Variants in NTN5 observed in about 807,000 individuals in gnomAD.
NTN5 encodes the protein netrin-5.
Under a neutral mutation model 38.7 loss-of-function variants are expected in NTN5, and 42 were observed. That is an observed-to-expected ratio of 1.08 (90% CI 0.85 to 1.40). NTN5 has a LOEUF of 1.40. NTN5 is among the 40% of genes most tolerant of loss of function. NTN5 has a pLI of 0.00. For synonymous variants in NTN5, 329 were observed against 303.9 expected, an observed-to-expected ratio of 1.08 and a Z score of -0.86; for missense variants, 658 against 716.5, an observed-to-expected ratio of 0.92 and a Z score of 0.93.
At chr19:48,666,034 G>A (rs1238484837) in intron 2 of NTN5, among the ~76,000 whole-genome samples, 1 of 152,206 alleles carries the variant, frequency 6.6e-6, no homozygotes, top group Non-Finnish European at 1.5e-5. Flanking sequence ...CAAGTACTTG[G>A]CTGTCTAGCA....
intron 4 of NTN5, 54 bp from the exon 5 acceptor site, chr19:48,663,868 C>T (rs1450588434): frequency 9.7e-6 from 15 of 1,554,404 alleles, no homozygotes; most frequent in Admixed American, 5.0e-5. Flanking sequence ...AGGATCCCCT[C>T]GCCCCTGCCC....
rs557084256 is a variant in NTN5, at chr19:48,663,607, C to T, written c.1025-64G>A. 5.1e-6 allele frequency: 8 copies of T among 1,555,624 alleles called. No individual in the cohort carries two copies. In the East Asian group the frequency reaches 1.1e-4, roughly 22 times the overall value. ...CCTAGACCACAGCCTTCTGCCCCTGCCCATCCCTCCGTTCCATCTTGATGG... is the reference window on the plus strand; with the variant it reads ...CCTAGACCACAGCCTTCTGCCCCTGTCCATCCCTCCGTTCCATCTTGATGG... On this transcript the variant is annotated intron_variant, in intron 5 of 6. Transcript: ENST00000270235.
In NTN5 at chr19:48,671,003, G is replaced by A. The variant is rs1411626198; in HGVS notation, c.-17C>T. On this transcript the variant is annotated 5_prime_UTR_variant, in exon 2 of 7. Transcript: ENST00000270235. Reference sequence around the variant, plus strand: ...CACGGGCATGGTCACAGCAGAGCCAGCACCTGGAGGGAAGAGAGGTGGCTG... The same window carrying A: ...CACGGGCATGGTCACAGCAGAGCCAACACCTGGAGGGAAGAGAGGTGGCTG... 1.0e-5 allele frequency: 15 copies of A among 1,499,696 alleles called. 1 individual carries two copies. The Middle Eastern group carries it at 5.5e-4, about 55-fold the overall frequency. The allele number at this position is 1,499,696 out of a possible 1,614,324, so 92.9% of individuals were successfully genotyped here.
rs1244280628 is a variant in NTN5 at position 48,662,048 on chromosome 19, G to A, written c.1106-7C>T. The A allele has an allele frequency of 2.1e-6, 3 of 1,460,166 alleles. No individual in the cohort carries two copies. The highest frequency in any genetic ancestry group is 2.6e-5 in the South Asian group (2 of 76,608). 90.5% of individuals were successfully genotyped at this position (1,460,166 alleles called of 1,614,324 possible). On this transcript the variant is annotated splice_polypyrimidine_tract_variant and splice_region_variant and intron_variant, in intron 6 of 6. Coordinates refer to ENST00000270235, the MANE Select transcript of NTN5 (RefSeq NM_145807.4). ...AGCACCTGCGCGCGGAGAACTGTGG[G>A]GAGGGGAGATGTCAGCCCAGGTCGT...
chr19:48,669,174 CCACCATGACCACCAT>C (rs2031797304), intron 2 of NTN5, among the ~76,000 whole-genome samples: 1 of 73,334 alleles, frequency 1.4e-5, no homozygotes. Flanking sequence ...ACCACCATCA[CCACCATGACCACCAT>C]CATCACCACC....
In NTN5 at chr19:48,664,176, G is replaced by A; in HGVS notation, c.937C>T (p.Gln313Ter). 1 of 1,609,088 alleles carries A rather than the reference G, an allele frequency of 6.2e-7. No homozygotes were observed. Among genetic ancestry groups the A allele is most frequent in the South Asian group, 1.1e-5 (1 of 90,154 alleles). ...LTCNRCGPGY[Q>*]QSRSPRMPCQ... ...GGCATCCTGGGGGAGCGGCTCTGCTGGTAGCCAGGGCCACAGCGGTTGCAG... is the reference window on the plus strand; with the variant it reads ...GGCATCCTGGGGGAGCGGCTCTGCTAGTAGCCAGGGCCACAGCGGTTGCAG... The change falls in exon 4 of 7, where the codon CAG (glutamine) becomes TAG (stop). Residue 313 changes from glutamine (Q) to a stop codon, truncating the protein, a stop_gained. Coordinates refer to ENST00000270235, the MANE Select transcript of NTN5 (RefSeq NM_145807.4). LOFTEE classifies it high-confidence loss of function.
chr19:48,661,828 T>C lies in NTN5; in HGVS notation c.1319A>G (p.Asp440Gly). Residue 440 changes from aspartate to glycine, a missense_variant, in exon 7 of 7, where the codon GAC becomes GGC. Transcript: ENST00000270235. ...LLLGSAVGDP[D>G]PTRLILDRHG... ...GCGGTCGAGGATGAGGCGCGTGGGG[T>C]CGGGGTCGCCCACGGCGCTGCCCAG... 1 of 1,334,464 alleles carries C rather than the reference T, an allele frequency of 7.5e-7. No homozygotes were observed. Among genetic ancestry groups the C allele is most frequent in the South Asian group, 1.7e-5 (1 of 58,418 alleles). The allele number at this position is 1,334,464 out of a possible 1,614,324, so 82.7% of individuals were successfully genotyped here. A position where few individuals can be genotyped will look rare whatever the true frequency, so the allele number is the denominator to read the frequency against.
intron 1 of NTN5, among the ~76,000 whole-genome samples, chr19:48,671,580 C>T (rs567637345): frequency 6.6e-6 from 1 of 151,600 alleles, no homozygotes; most frequent in East Asian, 2.0e-4. Flanking sequence ...CTCGGACTGC[C>T]TGGGGGCTGG....
chr19:48,667,871 G>A (rs1397211138), intron 2 of NTN5, among the ~76,000 whole-genome samples: 1 of 151,802 alleles, frequency 6.6e-6, no homozygotes, highest in Non-Finnish European at 1.5e-5. Context: ...AAAAAAAAAA[G>A]AAATAGAGGG....
At position 48,670,847 on chromosome 19, in the gene NTN5, C is replaced by T; in HGVS notation, c.140G>A (p.Cys47Tyr). The T allele has an allele frequency of 1.2e-6, 2 of 1,612,896 alleles. No homozygotes were observed. Among genetic ancestry groups the T allele is most frequent in the African/African-American group, 1.3e-5 (1 of 75,060 alleles). ...AAVAASCPQA[C>Y]ALSPGNHLGA... The stretch of plus-strand genomic sequence containing the variant: ...AAGGTGGTTTCCTGGGGACAGGGCA[C>T]AGGCCTGAGGGCAGGAGGCCGCCAC... Residue 47 changes from cysteine to tyrosine, a missense_variant, in exon 2 of 7, where the codon TGT becomes TAT. Physicochemically the swap from Cys to Tyr is radical, Grantham distance 194 (BLOSUM62 -2). Transcript: ENST00000270235.
chr19:48,669,594 TCACCACCAC>T (rs2031851464), intron 2 of NTN5, among the ~76,000 whole-genome samples: 1 of 3,446 alleles, frequency 2.9e-4, no homozygotes, highest in African/African-American at 1.7e-3. Context: ...ACGACCACCA[TCACCACCAC>T]CACCATCATC....
At chr19:48,668,151 C>T (rs2031754214) in intron 2 of NTN5, among the ~76,000 whole-genome samples, 1 of 152,128 alleles carries the variant, frequency 6.6e-6, no homozygotes, top group African/African-American at 2.4e-5. Flanking sequence ...TGGGGGGCCC[C>T]TGTCCAGCTG....
intron 2 of NTN5, chr19:48,667,570 G>C (rs1040701922): frequency 1.2e-5 from 2 of 168,356 alleles, no homozygotes; most frequent in African/African-American, 4.8e-5. Context: ...AAATAGAGGG[G>C]CAGAGGCCGG....
rs551349605 is a variant in NTN5, at chr19:48,670,622, G to C, written c.365C>G (p.Thr122Ser). ...CTTAGGACCTGGTGTGGAGTGGAAG[G>C]TCACCCTTTCAGGGCCCCCTAAGGC... ...PGALGGPERV[T>S]FHSTPGPKAT... The change falls in exon 2 of 7, where the codon ACC becomes AGC. Residue 122 changes from threonine to serine, a missense_variant. Physicochemically the swap from Thr to Ser is moderately conservative, Grantham distance 58. Coordinates refer to ENST00000270235, the MANE Select transcript of NTN5 (RefSeq NM_145807.4). The C allele has an allele frequency of 6.3e-7, 1 of 1,599,984 alleles. No individual in the cohort carries two copies. Among genetic ancestry groups the C allele is most frequent in the South Asian group, 1.1e-5 (1 of 89,418 alleles).
chr19:48,663,544 C>A lies in NTN5; in HGVS notation c.1025-1G>T, dbSNP rs758408718. The A allele has an allele frequency of 3.1e-6, 5 of 1,614,142 alleles. No individual in the cohort carries two copies. The South Asian group carries it at 5.5e-5, about 18-fold the overall frequency. ...TTGCAGTAGTTTTGACACTGAGGGT[C>A]TGGGGAGGGTCAGGCTGTCTGCAGT... On this transcript the variant is annotated splice_acceptor_variant, in intron 5 of 6. Transcript: ENST00000270235. LOFTEE classifies it high-confidence loss of function.
Position 48,661,562 on chromosome 19 carries a change from T to TCC in NTN5, c.*114_*115insGG. On this transcript the variant is annotated 3_prime_UTR_variant, in exon 7 of 7. Coordinates refer to ENST00000270235, the MANE Select transcript of NTN5 (RefSeq NM_145807.4). ...CGGCGTGGGCGCAAGCATAGTGTCG[T>TCC]CGGGGCTCTGCGACGTCTGATTGGC... The TCC allele has an allele frequency of 8.1e-7, 1 of 1,240,118 alleles. No homozygotes were observed. Among genetic ancestry groups the TCC allele is most frequent in the Non-Finnish European group, 1.0e-6 (1 of 964,820 alleles). 76.8% of individuals were successfully genotyped at this position (1,240,118 alleles called of 1,614,324 possible).
intron 2 of NTN5, among the ~76,000 whole-genome samples, chr19:48,665,646 C>T (rs1027746868): frequency 6.6e-6 from 1 of 151,956 alleles, no homozygotes; most frequent in African/African-American, 2.4e-5. Context: ...CGTGGTGAAA[C>T]CGTCTCTACT....
In NTN5 at chr19:48,670,882, CTG is replaced by C. The variant is rs764079410; in HGVS notation, c.103_104del (p.Gln35AlafsTer84). On this transcript the variant is annotated frameshift_variant, in exon 2 of 7. Transcript: ENST00000270235. LOFTEE classifies it high-confidence loss of function. ...GGCAGGAGGCCGCCACGGCAGCCAGCTGTGTCACTGGCGGGAGGCAGAATTGG... is the reference window on the plus strand; with the variant it reads ...GGCAGGAGGCCGCCACGGCAGCCAGCTGTCACTGGCGGGAGGCAGAATTGG... ...RPQFCLPPVT[Q>X]LAAVAASCPQ... 1.6e-5 allele frequency: 25 copies of C among 1,609,992 alleles called. No homozygotes were observed. The highest frequency in any genetic ancestry group is 2.0e-5 in the Non-Finnish European group (24 of 1,178,338).
chr19:48,666,889 C>T (rs1408195804), intron 2 of NTN5, among the ~76,000 whole-genome samples: 4 of 151,676 alleles, frequency 2.6e-5, no homozygotes, highest in Non-Finnish European at 4.4e-5. Flanking sequence ...CTCATTATGT[C>T]TCCCAGGCTC....
Sources: gnomAD v4.1 joint callset for allele counts (sites outside exome capture counted in the v4.1 genomes callset) on GRCh38, gnomAD v4.1.1 for gene constraint, MANE v1.5 for transcripts, NCBI Gene and HGNC (gene_info 2026-07-23, HGNC 2026-07-21) for gene names.